Variants in NUP205 observed in about 807,000 individuals in gnomAD.
The protein encoded by NUP205 is nuclear pore complex protein Nup205.
Under a neutral mutation model 253.8 loss-of-function variants are expected in NUP205, and 76 were observed. The ratio of observed to expected loss-of-function variants is 0.30; its 90% CI spans 0.25 to 0.36. NUP205 has a LOEUF of 0.36. Ranked by LOEUF, NUP205 falls within the 10% of genes least tolerant of loss-of-function variation. The probability of loss-of-function intolerance (pLI) is 1.00; values close to 1 mark genes in which losing one functional copy is unlikely to be tolerated. For synonymous variants in NUP205, 832 were observed against 850.1 expected (o/e 0.98, Z 0.37); for missense variants, 2,162 against 2,425.5 (o/e 0.89, Z 2.28).
intron 7 of NUP205, among the ~76,000 whole-genome samples, chr7:135,579,804 C>A (rs1470427131): frequency 6.6e-6 from 1 of 152,052 alleles, no homozygotes; most frequent in African/African-American, 2.4e-5. Context: ...GCCACCACAC[C>A]CGGCTAATCT....
chr7:135,643,406 T>TA, intron 39 of NUP205, 48 bp downstream of exon 39: 1 of 1,523,826 alleles, frequency 6.6e-7, no homozygotes, highest in South Asian at 1.2e-5. Flanking sequence ...TCATTGCTGT[T>TA]ACTAGGCCAG....
At chr7:135,564,372 A>T (rs779404446) in intron 1 of NUP205, among the ~76,000 whole-genome samples, 4 of 148,532 alleles carry the variant, frequency 2.7e-5, no homozygotes, top group Non-Finnish European at 5.9e-5. Flanking sequence ...CCGGCCTCCC[A>T]AGTAACTGGG....
At chr7:135,563,385 C>T (rs941906476) in intron 1 of NUP205, among the ~76,000 whole-genome samples, 5 of 151,948 alleles carry the variant, frequency 3.3e-5, no homozygotes, top group Admixed American at 1.3e-4. Flanking sequence ...GACGGGGTTT[C>T]GCTGTGTTGG....
rs1250961515 is a variant in NUP205 at position 135,619,502 on chromosome 7, A to G, written c.4043A>G (p.Gln1348Arg). The G allele has an allele frequency of 6.2e-7, 1 of 1,614,116 alleles. No homozygotes were observed. Among genetic ancestry groups the G allele is most frequent in the Non-Finnish European group, 8.5e-7 (1 of 1,180,022 alleles). Reference protein sequence around the residue: ...AVFTLTAHLSQAVLTEQKETS... With the variant: ...AVFTLTAHLSRAVLTEQKETS... ...TTCACACTGACTGCTCACCTAAGCC[A>G]GGCCGTCCTCACTGAACAGAAGGAA... Residue 1348 changes from glutamine (Q) to arginine (R), a missense_variant, in exon 29 of 43, where the codon CAG becomes CGG. By Grantham distance (43) the Gln-to-Arg change is conservative. Transcript: ENST00000285968.
chr7:135,576,877 G>T, intron 4 of NUP205, 92 bp from the exon 5 acceptor site: 1 of 1,236,840 alleles, frequency 8.1e-7, no homozygotes, highest in Non-Finnish European at 1.1e-6. Context: ...GCAAGGCCCT[G>T]TCTCAAAAAA....
chr7:135,616,653 A>G lies in NUP205; in HGVS notation c.3461-2A>G. 6.5e-7 allele frequency: 1 copy of G among 1,533,224 alleles called. No homozygotes were observed. The highest frequency in any genetic ancestry group is 8.8e-7 in the Non-Finnish European group (1 of 1,139,290). The allele number at this position is 1,533,224 out of a possible 1,614,324, so 95.0% of individuals were successfully genotyped here. On this transcript the variant is annotated splice_acceptor_variant, in intron 24 of 42. Transcript: ENST00000285968. LOFTEE classifies it high-confidence loss of function. ...GATTCAATATTATTGATATTCCAAC[A>G]GATGGTGAAGGAGGAATAGAAGATG... is the stretch of plus-strand genomic sequence containing the variant.
At chr7:135,603,504 A>AC (rs1406765331) in intron 18 of NUP205, among the ~76,000 whole-genome samples, 1 of 146,440 alleles carries the variant, frequency 6.8e-6, no homozygotes, top group Non-Finnish European at 1.5e-5. Flanking sequence ...ATCTAAGTCT[A>AC]CTTTTTTTTT....
chr7:135,593,503 T>C (rs1793749066), intron 12 of NUP205, among the ~76,000 whole-genome samples: 1 of 152,206 alleles, frequency 6.6e-6, no homozygotes, highest in South Asian at 2.1e-4. Context: ...TGTAGAGATA[T>C]ATATGTGCAT....
rs372073914 is a variant in NUP205, at chr7:135,617,629, G to T, written c.3718G>T (p.Val1240Leu). The change falls in exon 27 of 43, where the codon GTA becomes TTA. Residue 1240 changes from valine to leucine, a missense_variant. By Grantham distance (32) the Val-to-Leu change is conservative. Around this residue, in one of 5 missense-constraint regions of NUP205, gnomAD observed 1,144 missense variants for 1,280.9 expected, o/e 0.89. Coordinates refer to ENST00000285968, the MANE Select transcript of NUP205 (RefSeq NM_015135.3). ...KLLHRVLVAE[V>L]NALQGMAAIG... is the part of the protein sequence containing the mutation. ...TCTTCATAGGGTTCTTGTAGCTGAA[G>T]TAAATGCCCTTCAGGGTATGGCAGC... is the stretch of plus-strand genomic sequence containing the variant. The T allele has an allele frequency of 7.4e-6, 12 of 1,612,896 alleles. No homozygotes were observed. In the African/African-American group the frequency reaches 1.5e-4, roughly 20 times the overall value.
intron 6 of NUP205, 30 bp from the exon 7 acceptor site, chr7:135,578,721 C>A: frequency 6.6e-7 from 1 of 1,512,406 alleles, no homozygotes; most frequent in South Asian, 1.3e-5. Flanking sequence ...ATCTGGTGAT[C>A]GGTAAAGTGG....
intron 13 of NUP205, among the ~76,000 whole-genome samples, chr7:135,595,294 G>T (rs1230432006): frequency 1.3e-5 from 2 of 151,902 alleles, no homozygotes; most frequent in Non-Finnish European, 2.9e-5. Context: ...TGTGATCTCA[G>T]CTCACTGTAG....
Position 135,643,262 on chromosome 7 carries a change from G to A in NUP205, c.5463G>A (p.Gln1821=). Residue 1821 remains glutamine, a synonymous_variant, in exon 39 of 43, where the codon CAG becomes CAA. Transcript: ENST00000285968. ...GLGIIIYLLK[Q]SANDFFSYYD... ...GCATTATCATCTACCTGCTGAAACA[G>A]AGTGCTAATGATTTCTTCAGCTATT... The A allele has an allele frequency of 6.2e-7, 1 of 1,614,042 alleles. No homozygotes were observed.
intron 35 of NUP205, 48 bp from the exon 36 acceptor site, chr7:135,635,533 T>G: frequency 9.9e-7 from 1 of 1,006,242 alleles, no homozygotes; most frequent in Non-Finnish European, 1.5e-6. Context: ...GTTTTTAATG[T>G]TTTTGTTTAT....
At chr7:135,640,975 G>T (rs1457381408) in intron 38 of NUP205, among the ~76,000 whole-genome samples, 1 of 151,994 alleles carries the variant, frequency 6.6e-6, no homozygotes, top group Admixed American at 6.6e-5. Context: ...TATGGCAGGG[G>T]GATCACATGA....
chr7:135,619,561 G>A lies in NUP205; in HGVS notation c.4102G>A (p.Ala1368Thr), dbSNP rs200947877. Residue 1368 changes from alanine to threonine, a missense_variant, in exon 29 of 43, where the codon GCT becomes ACT. Ala to Thr is a moderately conservative substitution (Grantham distance 58). This residue lies in a region of NUP205 where 1,144 missense variants were observed against 1,280.9 expected (regional missense o/e 0.89). Transcript: ENST00000285968. ...CTTGGGACCAGCAGAGGCCCATTACGCTTTTATGCTTGATAGTTGCTTCAC... is the reference window on the plus strand; with the variant it reads ...CTTGGGACCAGCAGAGGCCCATTACACTTTTATGCTTGATAGTTGCTTCAC... ...SVLGPAEAHY[A>T]FMLDSCFTSP... 1.3e-4 allele frequency: 203 copies of A among 1,613,992 alleles called. No individual in the cohort carries two copies. Among genetic ancestry groups the A allele is most frequent in the Middle Eastern group, 6.6e-4 (4 of 6,082 alleles).
At chr7:135,567,266 C>G (rs932566317) in intron 1 of NUP205, among the ~76,000 whole-genome samples, 2 of 144,172 alleles carry the variant, frequency 1.4e-5, no homozygotes, top group Non-Finnish European at 1.5e-5. Flanking sequence ...TCCGTCCTCT[C>G]CCTGCACATC....
At chr7:135,593,565 T>C (rs1793750764) in intron 12 of NUP205, among the ~76,000 whole-genome samples, 1 of 152,222 alleles carries the variant, frequency 6.6e-6, no homozygotes, top group Admixed American at 6.5e-5. Flanking sequence ...ATTTACTGTA[T>C]TATTTTTTCT....
At chr7:135,579,800 A>G (rs929754211) in intron 7 of NUP205, among the ~76,000 whole-genome samples, 72 of 152,014 alleles carry the variant, frequency 4.7e-4, no homozygotes, top group African/African-American at 1.7e-3. Flanking sequence ...ACACGCCACC[A>G]CACCCGGCTA....
chr7:135,622,982 A>G (rs1324540726), intron 31 of NUP205, 57 bp downstream of exon 31: 5 of 1,557,088 alleles, frequency 3.2e-6, no homozygotes, highest in South Asian at 1.1e-5. Flanking sequence ...TTATTAAGGT[A>G]TAAACTGATT....
Sources: allele counts gnomAD v4.1 joint callset (sites outside exome capture counted in the v4.1 genomes callset), GRCh38; gene constraint gnomAD v4.1.1; regional missense constraint gnomAD v4.1.1; transcripts MANE v1.5; gene names NCBI Gene and HGNC (gene_info 2026-07-23, HGNC 2026-07-21).